Variants in DISP1 observed in about 807,000 individuals in gnomAD.
DISP1 encodes the protein dispatched RND transporter family member 1, also known as protein dispatched homolog 1.
In DISP1, 30 loss-of-function variants were observed where a neutral mutation model predicts 37.3. The ratio of observed to expected loss-of-function variants is 0.80; its 90% CI spans 0.60 to 1.09. DISP1 has a LOEUF of 1.09. Among genes scored for constraint, DISP1 ranks in the 50% least tolerant of loss-of-function variants. DISP1 has a pLI of 0.00. For synonymous variants in DISP1, 634 were observed against 690.2 expected, an observed-to-expected ratio of 0.92 and a Z score of 1.28; for missense variants, 1,598 against 1,879.5, an observed-to-expected ratio of 0.85 and a Z score of 2.77.
At chr1:222,922,514 A>T (rs909558545) in intron 1 of DISP1, among the ~76,000 whole-genome samples, 1 of 152,182 alleles carries the variant, frequency 6.6e-6, no homozygotes, top group Admixed American at 6.6e-5. Context: ...CTAGCTCAGG[A>T]TGCAGCACAG....
chr1:222,977,804 C>T (rs1349635235), intron 3 of DISP1, among the ~76,000 whole-genome samples: 2 of 151,880 alleles, frequency 1.3e-5, no homozygotes, highest in African/African-American at 2.4e-5. Context: ...TTTGTCCTTG[C>T]GATAGTTTGC....
chr1:222,854,114 A>G (rs762954738), intron 1 of DISP1, among the ~76,000 whole-genome samples: 1 of 152,228 alleles, frequency 6.6e-6, no homozygotes, highest in African/African-American at 2.4e-5. Context: ...GCCACAGACT[A>G]TAAATATAGG....
chr1:222,823,935 T>C (rs1009222263), intron 1 of DISP1: 8 of 151,412 alleles, frequency 5.3e-5, no homozygotes, highest in East Asian at 3.9e-4. Context: ...CTTTTTCAAC[T>C]TGACAAATAG....
chr1:222,943,000 T>C lies in DISP1; in HGVS notation c.177T>C (p.Asn59=). 6.2e-7 allele frequency: 1 copy of C among 1,614,218 alleles called. No individual in the cohort carries two copies. Among genetic ancestry groups the C allele is most frequent in the Non-Finnish European group, 8.5e-7 (1 of 1,180,044 alleles). ...GTCCAAATGGATGCCTGCAACTTAATGGCACGGTCAAATCATCCTTTCTGC... is the reference window on the plus strand; with the variant it reads ...GTCCAAATGGATGCCTGCAACTTAACGGCACGGTCAAATCATCCTTTCTGC... ...KVSPNGCLQL[N]GTVKSSFLPL... The change falls in exon 3 of 9, where the codon AAT becomes AAC. Residue 59 remains asparagine, a synonymous_variant. Coordinates refer to ENST00000675850, the MANE Select transcript of DISP1 (RefSeq NM_001377229.1).
intron 1 of DISP1, among the ~76,000 whole-genome samples, chr1:222,854,573 G>A (rs554723175): frequency 6.6e-6 from 1 of 152,166 alleles, no homozygotes; most frequent in Non-Finnish European, 1.5e-5. Context: ...CATATCATTA[G>A]GATGCTTGAG....
rs1348757818 is a variant in DISP1 at position 223,004,283 on chromosome 1, C to T, written c.2886C>T (p.Leu962=). 1.5e-5 allele frequency: 25 copies of T among 1,614,102 alleles called. No homozygotes were observed. The highest frequency in any genetic ancestry group is 2.0e-5 in the Non-Finnish European group (24 of 1,179,978). The change falls in exon 9 of 9, where the codon CTC becomes CTT. Residue 962 remains leucine (L), a synonymous_variant. Coordinates refer to ENST00000675850, the MANE Select transcript of DISP1 (RefSeq NM_001377229.1). This position sits in a 1 kb window ranked among gnomAD's most constrained non-coding sequence, Gnocchi z 4.9. The part of the protein sequence containing the change: ...SSELSSAPEG[L]SNGWFVSNLE... ...AGCTGAGTTCGGCCCCTGAAGGCCTCAGCAATGGTTGGTTTGTCAGCAATC... is the reference window on the plus strand; with the variant it reads ...AGCTGAGTTCGGCCCCTGAAGGCCTTAGCAATGGTTGGTTTGTCAGCAATC...
At chr1:222,873,283 A>T (rs1291161738) in intron 1 of DISP1, among the ~76,000 whole-genome samples, 1 of 152,202 alleles carries the variant, frequency 6.6e-6, no homozygotes, top group Non-Finnish European at 1.5e-5. Flanking sequence ...GTAGAGGTTT[A>T]TTAGGTCTGC....
chr1:222,983,994 A>G (rs1303183838), intron 4 of DISP1, among the ~76,000 whole-genome samples: 2 of 152,230 alleles, frequency 1.3e-5, no homozygotes, highest in Non-Finnish European at 2.9e-5. Flanking sequence ...AATGCTGATA[A>G]CACTGAAGCC....
Position 222,842,123 on chromosome 1 carries a change from A to G in DISP1, c.-159+27045A>G, listed in dbSNP as rs192972839. Among the ~76,000 whole-genome samples, 5 of 152,210 alleles carry G rather than the reference A, an allele frequency of 3.3e-5. No homozygotes were observed. The East Asian group carries it at 9.7e-4, about 29-fold the overall frequency. ...GAAGATTCAAACTCTAGTCTAGTTT[A>G]AGTTTGTGTTTGATAGTTTACAAAT... On this transcript the variant is annotated intron_variant, in intron 1 of 8. Coordinates refer to ENST00000675850, the MANE Select transcript of DISP1 (RefSeq NM_001377229.1).
chr1:222,992,716 G>T (rs961187833), intron 7 of DISP1, among the ~76,000 whole-genome samples: 2 of 152,118 alleles, frequency 1.3e-5, no homozygotes, highest in African/African-American at 4.8e-5. Flanking sequence ...AGCTAGGTGT[G>T]ACAGGAGAAG....
At chr1:222,821,328 A>G (rs978770091) in intron 1 of DISP1, among the ~76,000 whole-genome samples, 1 of 152,246 alleles carries the variant, frequency 6.6e-6, no homozygotes, top group African/African-American at 2.4e-5. Flanking sequence ...ATAGAAATAA[A>G]CTATTTTGAC....
intron 1 of DISP1, among the ~76,000 whole-genome samples, chr1:222,915,344 A>G (rs1672438003): frequency 6.6e-6 from 1 of 152,196 alleles, no homozygotes; most frequent in African/African-American, 2.4e-5. Flanking sequence ...CAGGGTGTAG[A>G]TGTGTATTAC....
chr1:222,962,957 C>T (rs947700187), intron 3 of DISP1, among the ~76,000 whole-genome samples: 1 of 152,146 alleles, frequency 6.6e-6, no homozygotes, highest in Non-Finnish European at 1.5e-5. Context: ...AGAGCATCTG[C>T]ACAGCAAAAG....
chr1:222,847,589 A>G (rs777402483), intron 1 of DISP1, among the ~76,000 whole-genome samples: 10 of 152,162 alleles, frequency 6.6e-5, no homozygotes, highest in African/African-American at 9.7e-5. Flanking sequence ...ATTCCAATCC[A>G]ATCCAATAGA....
chr1:222,955,354 G>GAATTAC (rs552830079), intron 3 of DISP1, among the ~76,000 whole-genome samples: 41 of 152,236 alleles, frequency 2.7e-4, no homozygotes, highest in Non-Finnish European at 5.3e-4. Context: ...CAAATTGTTG[G>GAATTAC]AATTACAGGT....
At chr1:222,949,358 C>T (rs1207794818) in intron 3 of DISP1, among the ~76,000 whole-genome samples, 1 of 151,516 alleles carries the variant, frequency 6.6e-6, no homozygotes, top group African/African-American at 2.4e-5. Context: ...CGTACCACTG[C>T]ACTCCAGCCT....
intron 3 of DISP1, among the ~76,000 whole-genome samples, chr1:222,953,238 C>T (rs142382626): frequency 2.8e-4 from 43 of 152,286 alleles, no homozygotes; most frequent in African/African-American, 9.6e-4. Flanking sequence ...GCACTTAACA[C>T]AGTGCCTGTT....
Position 223,004,092 on chromosome 1 carries a change from A to G in DISP1, c.2695A>G (p.Arg899Gly). ...CAAGAGAGCTATCATGGAGCTGGAA[A>G]GGAGTACAGGGTACCATTTGGATAG... Reference protein sequence around the residue: ...CIKRAIMELERSTGYHLDSKT... With the variant: ...CIKRAIMELEGSTGYHLDSKT... The change falls in exon 9 of 9, where the codon AGG becomes GGG. Residue 899 changes from arginine to glycine, a missense_variant. Transcript: ENST00000675850. The surrounding 1 kb of genome is among the most constrained non-coding windows in gnomAD (Gnocchi z 4.9). 1.2e-6 allele frequency: 2 copies of G among 1,614,240 alleles called. No individual in the cohort carries two copies. The highest frequency in any genetic ancestry group is 1.7e-6 in the Non-Finnish European group (2 of 1,180,040).
chr1:222,879,327 C>G (rs1398630803), intron 1 of DISP1, among the ~76,000 whole-genome samples: 1 of 152,036 alleles, frequency 6.6e-6, no homozygotes, highest in Non-Finnish European at 1.5e-5. Context: ...TATGGTATAC[C>G]TATTTATCAC....
Sources: allele counts gnomAD v4.1 joint callset (sites outside exome capture counted in the v4.1 genomes callset), GRCh38; gene constraint gnomAD v4.1.1; non-coding constraint Gnocchi (gnomAD v3.1); transcripts MANE v1.5; gene names NCBI Gene and HGNC (gene_info 2026-07-23, HGNC 2026-07-21).